Variants in ASPH observed in about 807,000 individuals in gnomAD.
ASPH encodes the protein aspartyl/asparaginyl beta-hydroxylase.
In ASPH, 100 loss-of-function variants were observed where a neutral mutation model predicts 118.4. The observed-to-expected ratio is 0.84, with a 90% CI of 0.72 to 1.00. The LOEUF (loss-of-function observed/expected upper bound fraction) is 1.00, where lower values mean the gene tolerates loss of function less well. ASPH is among the 50% of genes least tolerant of loss of function. The probability of loss-of-function intolerance (pLI) is 0.00; values close to 1 mark genes in which losing one functional copy is unlikely to be tolerated. For missense variants in ASPH, 920 were observed against 919.5 expected, an observed-to-expected ratio of 1.00 and a Z score of -0.01; for synonymous variants, 315 against 325.6, an observed-to-expected ratio of 0.97 and a Z score of 0.35.
intron 14 of ASPH, among the ~76,000 whole-genome samples, chr8:61,599,074 C>T (rs867754092): frequency 3.0e-4 from 45 of 151,978 alleles, no homozygotes; most frequent in African/African-American, 9.2e-4. Flanking sequence ...TAATGACATG[C>T]CTCAAAGAAC....
intron 16 of ASPH, among the ~76,000 whole-genome samples, chr8:61,568,410 A>G (rs1336312018): frequency 1.3e-5 from 2 of 152,212 alleles, no homozygotes; most frequent in African/African-American, 2.4e-5. Context: ...TGAATGAACA[A>G]GGTTTGGGCT....
chr8:61,667,804 C>T (rs1388987638), intron 3 of ASPH, among the ~76,000 whole-genome samples: 1 of 152,166 alleles, frequency 6.6e-6, no homozygotes, highest in Non-Finnish European at 1.5e-5. Context: ...TGCTCTAAGA[C>T]AGAGTGTCAT....
chr8:61,646,546 C>T (rs1808073527), intron 6 of ASPH, among the ~76,000 whole-genome samples: 2 of 152,080 alleles, frequency 1.3e-5, no homozygotes, highest in South Asian at 4.1e-4. Context: ...TTTGTATATT[C>T]TGAGTTTCCC....
chr8:61,520,744 A>T (rs967708454), intron 22 of ASPH, among the ~76,000 whole-genome samples: 1 of 152,188 alleles, frequency 6.6e-6, no homozygotes, highest in Non-Finnish European at 1.5e-5. Flanking sequence ...TGTGCTGTCC[A>T]GGCAGCAGTT....
Position 61,600,113 on chromosome 8 carries a change from TA to T in ASPH, c.977-16085del, listed in dbSNP as rs573431039. The stretch of plus-strand genomic sequence containing the variant: ...GCAAGGATGGTTCAACATATGAAAA[TA>T]AAAAAAAATACATCGATAGGACAAA... On this transcript the variant is annotated intron_variant, in intron 14 of 24. Coordinates refer to ENST00000379454, the MANE Select transcript of ASPH (RefSeq NM_004318.4). 1.1e-4 allele frequency among the ~76,000 whole-genome samples: 17 copies of T among 150,516 alleles called. No homozygotes were observed. The East Asian group carries it at 1.2e-3, about 10-fold the overall frequency.
At chr8:61,578,903 C>T (rs12674869) in intron 15 of ASPH, 100,178 of 1,608,588 alleles carry the variant, frequency 0.062, 4,480 homozygotes, top group South Asian at 0.18. Flanking sequence ...GGCAGCTGTA[C>T]GAAAAGGAGA....
At chr8:61,699,941 G>T (rs898144225) in intron 1 of ASPH, among the ~76,000 whole-genome samples, 1 of 152,196 alleles carries the variant, frequency 6.6e-6, no homozygotes, top group Admixed American at 6.5e-5. Flanking sequence ...GAAAGGTGAC[G>T]GCTACAAGGG....
At chr8:61,579,455 T>C in intron 15 of ASPH, 1 of 1,608,680 alleles carries the variant, frequency 6.2e-7, no homozygotes, top group Non-Finnish European at 8.5e-7. Context: ...TGAGTATTCA[T>C]ACGAAGACCA....
At chr8:61,520,003 T>C (rs1407453023) in intron 22 of ASPH, among the ~76,000 whole-genome samples, 1 of 152,226 alleles carries the variant, frequency 6.6e-6, no homozygotes, top group Non-Finnish European at 1.5e-5. Flanking sequence ...ATTTCTAACT[T>C]AGAAATGCAT....
intron 17 of ASPH, 39 bp downstream of exon 17, chr8:61,567,129 A>T (rs1831978569): frequency 6.2e-7 from 1 of 1,602,964 alleles, no homozygotes; most frequent in Non-Finnish European, 8.5e-7. Flanking sequence ...GATAAAACAT[A>T]TGCCATTTCC....
chr8:61,506,840 G>A lies in ASPH; in HGVS notation c.2127-3331C>T, dbSNP rs550910151. Among the ~76,000 whole-genome samples the A allele has an allele frequency of 6.6e-5, 10 of 152,312 alleles. No individual in the cohort carries two copies. The South Asian group carries it at 1.9e-3, about 28-fold the overall frequency. On this transcript the variant is annotated intron_variant, in intron 24 of 24. Coordinates refer to ENST00000379454, the MANE Select transcript of ASPH (RefSeq NM_004318.4). ...TGACATATGCATCACTCTTTATGAT[G>A]TTGTCTGCCTTCCTTTGAGACAACT...
intron 18 of ASPH, among the ~76,000 whole-genome samples, chr8:61,562,065 C>A (rs1300745796): frequency 1.3e-5 from 2 of 152,104 alleles, no homozygotes; most frequent in African/African-American, 2.4e-5. Context: ...TAAACATGTT[C>A]ATCTTTCTTT....
intron 3 of ASPH, among the ~76,000 whole-genome samples, chr8:61,662,610 C>T (rs563200201): frequency 5.9e-5 from 9 of 152,078 alleles, no homozygotes; most frequent in Admixed American, 2.0e-4. Flanking sequence ...AAATATTACG[C>T]AGTTGGATAA....
intron 13 of ASPH, chr8:61,624,470 A>G: frequency 1.0e-6 from 1 of 973,856 alleles, no homozygotes; most frequent in South Asian, 4.8e-5. Flanking sequence ...TAGTAAGGAT[A>G]AAATGAACTG....
intron 12 of ASPH, among the ~76,000 whole-genome samples, chr8:61,637,716 T>C (rs766051388): frequency 3.3e-5 from 5 of 152,178 alleles, no homozygotes; most frequent in Non-Finnish European, 7.3e-5. Flanking sequence ...AGTAGCCTGT[T>C]TTTATCACTA....
At chr8:61,603,700 C>A (rs904845025) in intron 14 of ASPH, among the ~76,000 whole-genome samples, 10 of 152,182 alleles carry the variant, frequency 6.6e-5, no homozygotes, top group African/African-American at 2.4e-4. Context: ...ATAAACAAGA[C>A]AATCCCTATC....
chr8:61,630,032 G>C (rs997455298), intron 13 of ASPH, among the ~76,000 whole-genome samples: 3 of 152,152 alleles, frequency 2.0e-5, no homozygotes, highest in Admixed American at 6.6e-5. Context: ...AACGTGCTTA[G>C]CAGAGCGCCT....
Position 61,643,969 on chromosome 8 carries a change from T to A in ASPH, c.685A>T (p.Met229Leu). 1.9e-6 allele frequency: 3 copies of A among 1,611,424 alleles called. No individual in the cohort carries two copies. In the Middle Eastern group the frequency reaches 5.0e-4, roughly 266 times the overall value. The change falls in exon 8 of 25, where the codon ATG becomes TTG. Residue 229 changes from methionine (M) to leucine (L), a missense_variant. Met to Leu is a conservative substitution (Grantham distance 15). Transcript: ENST00000379454. ...CCTGGATTTTCCTGCTCAGACATCA[T>A]CTCTTCCATATCCTGATTACAGTCT... ...SQDCNQDMEE[M>L]MSEQENPDSS... is the part of the protein sequence containing the mutation.
intron 21 of ASPH, among the ~76,000 whole-genome samples, chr8:61,532,205 A>AT (rs1018329377): frequency 1.3e-5 from 2 of 151,838 alleles, no homozygotes. Flanking sequence ...TTGTTACCTC[A>AT]TTTTTTTCAT....
Sources: gnomAD v4.1 joint callset for allele counts (sites outside exome capture counted in the v4.1 genomes callset) on GRCh38, gnomAD v4.1.1 for gene constraint, MANE v1.5 for transcripts, NCBI Gene and HGNC (gene_info 2026-07-23, HGNC 2026-07-21) for gene names.